PRDM1: variants seen among roughly 807,000 people sequenced by gnomAD.
The protein encoded by PRDM1 is PR domain zinc finger protein 1.
PRDM1 carries 13 observed loss-of-function variants against 62.8 expected under a neutral mutation model. That is an observed-to-expected ratio of 0.21 (90% confidence interval 0.13 to 0.33). PRDM1 has a LOEUF of 0.33. Among genes scored for constraint, PRDM1 ranks in the 10% least tolerant of loss-of-function variants. PRDM1 has a pLI of 1.00. For synonymous variants in PRDM1, 396 were observed against 417.6 expected (o/e 0.95, Z 0.63); for missense variants, 895 against 1,058.8 (o/e 0.85, Z 2.15).
chr6:106,022,459 A>C (rs1582428963), intron 1 of PRDM1, among the ~76,000 whole-genome samples: 12 of 123,878 alleles, frequency 9.7e-5, no homozygotes, highest in African/African-American at 1.9e-4. Context: ...GTGGAGTTTC[A>C]CTCTTTTTGC....
intron 1 of PRDM1, among the ~76,000 whole-genome samples, chr6:106,035,400 T>C (rs1772910210): frequency 6.6e-6 from 1 of 152,134 alleles, no homozygotes; most frequent in African/African-American, 2.4e-5. Context: ...GGCAGGAGAA[T>C]CGCTTGAGGC....
intron 1 of PRDM1, among the ~76,000 whole-genome samples, chr6:106,064,463 A>G (rs967602962): frequency 1.3e-4 from 20 of 152,132 alleles, no homozygotes; most frequent in African/African-American, 4.6e-4. Context: ...GGATTTGCCA[A>G]ATGACTCAAA....
At chr6:106,038,012 G>GTTTTTTTTTTTTTTTTTTTTTT (rs1302119750) in intron 1 of PRDM1, among the ~76,000 whole-genome samples, 9 of 20,508 alleles carry the variant, frequency 4.4e-4, no homozygotes, top group Non-Finnish European at 6.5e-4. Flanking sequence ...TGCTATTTTT[G>GTTTTTTTTTTTTTTTTTTTTTT]TCTTTTTTTT....
intron 1 of PRDM1, among the ~76,000 whole-genome samples, chr6:106,003,997 CAA>C (rs779541730): frequency 2.2e-4 from 33 of 152,176 alleles, no homozygotes; most frequent in Non-Finnish European, 4.4e-4. Context: ...GACTGTTTGG[CAA>C]AGAGTCATTT....
upstream of PRDM1, chr6:106,046,551 C>T (rs1773079750): frequency 6.6e-6 from 1 of 152,272 alleles, no homozygotes; most frequent in Non-Finnish European, 1.5e-5. Context: ...TGGCAGTCCC[C>T]TGTTGCAGTC....
intron 1 of PRDM1, among the ~76,000 whole-genome samples, chr6:106,078,506 G>T (rs574823675): frequency 1.8e-4 from 28 of 152,338 alleles, no homozygotes; most frequent in Non-Finnish European, 3.4e-4. Flanking sequence ...GCAGCCAGAT[G>T]CCTTCTTTGT....
chr6:106,095,942 C>T (rs1253241023), intron 3 of PRDM1: 8 of 545,590 alleles, frequency 1.5e-5, no homozygotes, highest in Admixed American at 3.1e-5. Flanking sequence ...GATGGAGATA[C>T]GGGCTATATG....
At chr6:106,091,243 C>T (rs773457928) in intron 2 of PRDM1, among the ~76,000 whole-genome samples, 8 of 152,184 alleles carry the variant, frequency 5.3e-5, no homozygotes, top group Non-Finnish European at 8.8e-5. Flanking sequence ...TCTCACCTCC[C>T]TGTATCGTGG....
chr6:106,031,015 A>AT (rs1185282795), intron 1 of PRDM1, among the ~76,000 whole-genome samples: 7,348 of 116,880 alleles, frequency 0.063, 178 homozygotes, highest in Non-Finnish European at 0.071. Flanking sequence ...TTTTTTTCTG[A>AT]TTTTTTTTTC....
At chr6:106,101,708 G>T (rs767811150) in intron 4 of PRDM1, among the ~76,000 whole-genome samples, 22 of 152,168 alleles carry the variant, frequency 1.4e-4, no homozygotes, top group Non-Finnish European at 3.2e-4. Flanking sequence ...AGGCCTAATA[G>T]GTAGATTGTG....
At chr6:106,021,311 G>C (rs1436560241) in intron 1 of PRDM1, among the ~76,000 whole-genome samples, 1 of 152,118 alleles carries the variant, frequency 6.6e-6, no homozygotes, top group Non-Finnish European at 1.5e-5. Flanking sequence ...TCCAATTTCA[G>C]TAAAAAATGC....
chr6:106,010,764 G>T (rs1197239783), intron 1 of PRDM1, among the ~76,000 whole-genome samples: 1 of 152,172 alleles, frequency 6.6e-6, no homozygotes, highest in African/African-American at 2.4e-5. Context: ...TGTCGTGTCA[G>T]GGGTGCATTT....
upstream of PRDM1, chr6:106,046,819 T>C (rs1005553907): frequency 6.6e-6 from 1 of 152,122 alleles, no homozygotes; most frequent in Non-Finnish European, 1.5e-5. Flanking sequence ...AGTGCGAGAG[T>C]CTTAGTCTAG....
chr6:106,068,837 CT>C (rs1361161203), intron 1 of PRDM1, among the ~76,000 whole-genome samples: 5 of 152,176 alleles, frequency 3.3e-5, no homozygotes, highest in South Asian at 2.1e-4. Context: ...AGAGAGGCAA[CT>C]TTTTTAGGAA....
intron 1 of PRDM1, among the ~76,000 whole-genome samples, chr6:106,005,106 A>T (rs1255343454): frequency 6.6e-6 from 1 of 152,250 alleles, no homozygotes; most frequent in Non-Finnish European, 1.5e-5. Context: ...ACATTCAAGA[A>T]GTCTTTGACA....
At chr6:106,025,795 G>A (rs1438589570) in intron 1 of PRDM1, among the ~76,000 whole-genome samples, 1 of 152,182 alleles carries the variant, frequency 6.6e-6, no homozygotes, top group East Asian at 1.9e-4. Context: ...AAAATTGGTT[G>A]ACCTCATAAC....
chr6:106,017,466 T>C (rs1358710920), intron 1 of PRDM1, among the ~76,000 whole-genome samples: 1 of 152,194 alleles, frequency 6.6e-6, no homozygotes, highest in Non-Finnish European at 1.5e-5. Flanking sequence ...TGTGACTCCA[T>C]TGTGAACTGG....
chr6:106,015,360 C>G (rs1021514317), intron 1 of PRDM1, among the ~76,000 whole-genome samples: 16 of 152,236 alleles, frequency 1.1e-4, no homozygotes, highest in African/African-American at 3.6e-4. Flanking sequence ...GCTACTTGGG[C>G]AAAGAAAATG....
upstream of PRDM1, among the ~76,000 whole-genome samples, chr6:106,083,444 A>G (rs1773730060): frequency 6.6e-6 from 1 of 151,972 alleles, no homozygotes; most frequent in Non-Finnish European, 1.5e-5. Context: ...AGGTCTCCAG[A>G]TTTGGTGCTC....
Sources: allele counts gnomAD v4.1 joint callset (sites outside exome capture counted in the v4.1 genomes callset), GRCh38; gene constraint gnomAD v4.1.1; transcripts MANE v1.5; gene names NCBI Gene and HGNC (gene_info 2026-07-23, HGNC 2026-07-21).